PIEZO2: variants seen among roughly 807,000 people sequenced by gnomAD.
The protein encoded by PIEZO2 is piezo-type mechanosensitive ion channel component 2.
A neutral mutation model predicts 337.3 loss-of-function variants in PIEZO2; 172 were observed. The observed-to-expected ratio is 0.51, with a 90% confidence interval of 0.45 to 0.58. The LOEUF (loss-of-function observed/expected upper bound fraction) is 0.58, where lower values mean the gene tolerates loss of function less well. PIEZO2 is among the 20% of genes least tolerant of loss of function. PIEZO2 has a pLI of 0.00. For synonymous variants in PIEZO2, 1,251 were observed against 1,228.5 expected (o/e 1.02, Z -0.38); for missense variants, 3,028 against 3,391.3 (o/e 0.89, Z 2.66).
chr18:10,815,687 T>G lies in PIEZO2; in HGVS notation c.918-8413A>C, dbSNP rs894992518. On this transcript the variant is annotated intron_variant, in intron 7 of 55. Transcript: ENST00000674853. This position sits in a 1 kb window ranked among gnomAD's most constrained non-coding sequence, Gnocchi z 4.1. ...CCACAGCAACGTACCTAGATAATAT[T>G]TGGGAGTGCTCTCACTCAGGAACAA... Among the ~76,000 whole-genome samples, 1 of 152,166 alleles carries G rather than the reference T, an allele frequency of 6.6e-6. No homozygotes were observed. The highest frequency in any genetic ancestry group is 2.4e-5 in the African/African-American group (1 of 41,432).
chr18:10,700,047 A>C lies in PIEZO2; in HGVS notation c.6442-870T>G, dbSNP rs539460014. On this transcript the variant is annotated intron_variant, in intron 43 of 55. Transcript: ENST00000674853. ...ATTTGTAAATGTGTTATTCTTAAAC[A>C]TATTCAATGAATGTATTCTTATAAA... 2.6e-5 allele frequency among the ~76,000 whole-genome samples: 4 copies of C among 152,360 alleles called. No homozygotes were observed. The South Asian group carries it at 6.2e-4, about 24-fold the overall frequency.
rs35786221 is a variant in PIEZO2 at position 10,740,772 on chromosome 18, C to T, written c.4708+259G>A. The stretch of plus-strand genomic sequence containing the variant: ...CCCTTTCTGAGCCCATAAATTATGC[C>T]CTAGAGTCTATAAGCCACGTGTTTG... On this transcript the variant is annotated intron_variant, in intron 33 of 55. Transcript: ENST00000674853. 0.56 allele frequency: 344,108 copies of T among 615,596 alleles called. 98,942 individuals carry two copies. The highest frequency in any genetic ancestry group is 0.79 in the African/African-American group (42,834 of 54,534). The allele number at this position is 615,596 out of a possible 1,614,324, so 38.1% of individuals were successfully genotyped here. A position where few individuals can be genotyped will look rare whatever the true frequency, so the allele number is the denominator to read the frequency against.
In PIEZO2 at chr18:11,105,509, A is replaced by C. The variant is rs1319631095; in HGVS notation, c.65-39287T>G. On this transcript the variant is annotated intron_variant, in intron 1 of 55. Transcript: ENST00000674853. The surrounding 1 kb of genome is among the most constrained non-coding windows in gnomAD (Gnocchi z 4.3). Reference sequence around the variant, plus strand: ...TGAGAATCCCAGCACAGCTTATCTCATTCTCTCCTGCTTGTTATGAGCTCA... The same window carrying C: ...TGAGAATCCCAGCACAGCTTATCTCCTTCTCTCCTGCTTGTTATGAGCTCA... 6.6e-6 allele frequency among the ~76,000 whole-genome samples: 1 copy of C among 151,920 alleles called. No individual in the cohort carries two copies. Among genetic ancestry groups the C allele is most frequent in the East Asian group, 1.9e-4 (1 of 5,180 alleles).
rs559289412 is a variant in PIEZO2, at chr18:10,767,481, C to T, written c.2946+2667G>A. On this transcript the variant is annotated intron_variant, in intron 21 of 55. Coordinates refer to ENST00000674853, the MANE Select transcript of PIEZO2 (RefSeq NM_001378183.1). This position sits in a 1 kb window ranked among gnomAD's most constrained non-coding sequence, Gnocchi z 4.2. ...GGCTGCATCCTGCCTGTCCCCCAAG[C>T]CCCCAGTGCCAAGATGATGGGGCAG... Among the ~76,000 whole-genome samples the T allele has an allele frequency of 6.6e-6, 1 of 151,710 alleles. No individual in the cohort carries two copies. The highest frequency in any genetic ancestry group is 2.4e-5 in the African/African-American group (1 of 41,422).
intron 43 of PIEZO2, among the ~76,000 whole-genome samples, chr18:10,700,555 T>C (rs1387749523): frequency 6.6e-6 from 1 of 152,056 alleles, no homozygotes; most frequent in Non-Finnish European, 1.5e-5. Context: ...ATTGCAGCAG[T>C]TAAGCCATTT....
chr18:10,743,991 C>T (rs986276375), intron 31 of PIEZO2, 151 bp downstream of exon 31: 5 of 583,686 alleles, frequency 8.6e-6, no homozygotes, highest in Non-Finnish European at 1.2e-5. Flanking sequence ...TGAGCAACTG[C>T]CCCCGCACAA....
intron 1 of PIEZO2, among the ~76,000 whole-genome samples, chr18:11,091,730 T>G (rs1184709106): frequency 3.3e-5 from 5 of 152,208 alleles, no homozygotes; most frequent in African/African-American, 1.2e-4. Context: ...GGTTTGTTCT[T>G]GTTCATAGTG....
In PIEZO2 at chr18:11,148,483, CT is replaced by C; in HGVS notation, c.64+41del. 6.5e-7 allele frequency: 1 copy of C among 1,534,098 alleles called. No homozygotes were observed. The highest frequency in any genetic ancestry group is 1.2e-5 in the South Asian group (1 of 83,950). ...AGAAGTCCCCCACCCAGGCGCCCCC[CT>C]CGTCCTCCTCAAGTGCCCTCGGAAA... On this transcript the variant is annotated intron_variant, in intron 1 of 55. Coordinates refer to ENST00000674853, the MANE Select transcript of PIEZO2 (RefSeq NM_001378183.1). The surrounding 1 kb of genome is among the most constrained non-coding windows in gnomAD (Gnocchi z 5.2).
In PIEZO2 at chr18:11,067,645, G is replaced by A. The variant is rs770040338; in HGVS notation, c.65-1423C>T. ...GTTAAGAACTGTAAAATGAGACAAAGAAGTAGAGGGAACAATTGTAATGGT... is the reference window on the plus strand; with the variant it reads ...GTTAAGAACTGTAAAATGAGACAAAAAAGTAGAGGGAACAATTGTAATGGT... On this transcript the variant is annotated intron_variant, in intron 1 of 55. Coordinates refer to ENST00000674853, the MANE Select transcript of PIEZO2 (RefSeq NM_001378183.1). Among the ~76,000 whole-genome samples, 6 of 152,274 alleles carry A rather than the reference G, an allele frequency of 3.9e-5. No individual in the cohort carries two copies. In the East Asian group the frequency reaches 1.2e-3, roughly 29 times the overall value.
intron 13 of PIEZO2, among the ~76,000 whole-genome samples, chr18:10,792,028 C>T (rs1047768013): frequency 1.3e-5 from 2 of 152,174 alleles, no homozygotes; most frequent in Non-Finnish European, 1.5e-5. Flanking sequence ...CTCACTGCAA[C>T]CTCTGCCTCC....
rs1425981473 is a variant in PIEZO2, at chr18:11,035,316, TCTC to T, written c.160+30808_160+30810del. On this transcript the variant is annotated intron_variant, in intron 2 of 55. Transcript: ENST00000674853. This position sits in a 1 kb window ranked among gnomAD's most constrained non-coding sequence, Gnocchi z 4.3. Reference sequence around the variant, plus strand: ...GCCTGGCACCTTCTCTCTCTCTCCCTCTCTCTCTCTCTCTCTCTTTCTCTCTCT... The same window carrying T: ...GCCTGGCACCTTCTCTCTCTCTCCCTTCTCTCTCTCTCTCTTTCTCTCTCT... 7.6e-5 allele frequency among the ~76,000 whole-genome samples: 4 copies of T among 52,408 alleles called. No individual in the cohort carries two copies. The highest frequency in any genetic ancestry group is 5.7e-4 in the South Asian group (1 of 1,750). The allele number at this position is 52,408 out of a possible 152,430, so 34.4% of individuals were successfully genotyped here.
chr18:10,742,177 A>G (rs1333162498), intron 32 of PIEZO2, among the ~76,000 whole-genome samples: 4 of 152,150 alleles, frequency 2.6e-5, no homozygotes, highest in African/African-American at 4.8e-5. Flanking sequence ...AAACAAAACC[A>G]AAAAAGAAAC....
At chr18:11,017,635 G>C (rs1271025712) in intron 2 of PIEZO2, among the ~76,000 whole-genome samples, 4 of 152,052 alleles carry the variant, frequency 2.6e-5, no homozygotes, top group Non-Finnish European at 5.9e-5. Flanking sequence ...CTGCAGAATG[G>C]TTCTTCTGTA....
chr18:10,978,148 G>C (rs115400762), intron 3 of PIEZO2, among the ~76,000 whole-genome samples: 5,066 of 152,070 alleles, frequency 0.033, 147 homozygotes, highest in Middle Eastern at 0.075. Context: ...CGGTGAAACA[G>C]TGTCTCTACT....
chr18:10,944,927 G>T (rs1448686625), intron 3 of PIEZO2, among the ~76,000 whole-genome samples: 1 of 152,132 alleles, frequency 6.6e-6, no homozygotes, highest in Non-Finnish European at 1.5e-5. Flanking sequence ...CCAGATTCTT[G>T]CCGTGAGATA....
chr18:10,829,798 A>G (rs2040788644), intron 7 of PIEZO2, among the ~76,000 whole-genome samples: 1 of 152,138 alleles, frequency 6.6e-6, no homozygotes, highest in Admixed American at 6.6e-5. Flanking sequence ...AAATTGATGC[A>G]ATAAAATAAA....
intron 2 of PIEZO2, among the ~76,000 whole-genome samples, chr18:10,997,003 A>G (rs951814628): frequency 6.6e-6 from 1 of 152,192 alleles, no homozygotes; most frequent in African/African-American, 2.4e-5. Context: ...TTTGTTATAA[A>G]TCAATAAGAG....
intron 7 of PIEZO2, among the ~76,000 whole-genome samples, chr18:10,822,596 T>C (rs1342441516): frequency 2.6e-5 from 4 of 152,214 alleles, no homozygotes; most frequent in Admixed American, 2.0e-4. Flanking sequence ...GGCCAGTGTC[T>C]GCTGGCCTCC....
chr18:10,786,932 C>T (rs778100001), intron 16 of PIEZO2, 104 bp downstream of exon 16: 1 of 1,103,062 alleles, frequency 9.1e-7, no homozygotes, highest in Non-Finnish European at 1.3e-6. Flanking sequence ...AACTTATAGA[C>T]ATTGATGACA....
Sources: gnomAD v4.1 joint callset for allele counts (sites outside exome capture counted in the v4.1 genomes callset) on GRCh38, gnomAD v4.1.1 for gene constraint, Gnocchi (gnomAD v3.1) non-coding constraint, MANE v1.5 for transcripts, NCBI Gene and HGNC (gene_info 2026-07-23, HGNC 2026-07-21) for gene names.